MCF2L2: variants seen among roughly 807,000 people sequenced by gnomAD.
MCF2L2 encodes probable guanine nucleotide exchange factor MCF2L2.
In MCF2L2, 102 loss-of-function variants were observed where a neutral mutation model predicts 150.2. The observed-to-expected ratio is 0.68, with a 90% CI of 0.58 to 0.80. The LOEUF is 0.80. Among genes scored for constraint, MCF2L2 ranks in the 30% least tolerant of loss-of-function variants. MCF2L2 has a pLI of 0.00. For missense variants in MCF2L2, 1,256 were observed against 1,372.8 expected (o/e 0.91, Z 1.34); for synonymous variants, 465 against 491.3 (o/e 0.95, Z 0.71).
intron 7 of MCF2L2, among the ~76,000 whole-genome samples, chr3:183,312,582 T>C (rs1729431178): frequency 6.6e-6 from 1 of 152,224 alleles, no homozygotes; most frequent in Non-Finnish European, 1.5e-5. Context: ...CCTTGAGCAT[T>C]AGAACAGGCC....
intron 14 of MCF2L2, among the ~76,000 whole-genome samples, chr3:183,279,383 TA>T (rs1025051282): frequency 2.0e-5 from 3 of 152,210 alleles, no homozygotes; most frequent in African/African-American, 7.2e-5. Flanking sequence ...AATAGTAGAC[TA>T]AAAAATTGAC....
At chr3:183,296,801 T>C (rs1728529275) in intron 12 of MCF2L2, 175 bp downstream of exon 12, 2 of 602,156 alleles carry the variant, frequency 3.3e-6, no homozygotes, top group Admixed American at 3.1e-5. Flanking sequence ...AGACTCAGTA[T>C]GCCAGGACGT....
chr3:183,414,680 T>G (rs1715494563), intron 1 of MCF2L2, among the ~76,000 whole-genome samples: 1 of 152,238 alleles, frequency 6.6e-6, no homozygotes, highest in Non-Finnish European at 1.5e-5. Context: ...TCTTTCTTAA[T>G]GTAAGCATTT....
intron 2 of MCF2L2, among the ~76,000 whole-genome samples, chr3:183,388,052 A>G (rs917685106): frequency 6.6e-6 from 1 of 152,146 alleles, no homozygotes; most frequent in Admixed American, 6.5e-5. Flanking sequence ...ATCCAAATTC[A>G]TATCTGGAGC....
At chr3:183,401,290 G>A (rs1052483245) in intron 1 of MCF2L2, among the ~76,000 whole-genome samples, 4 of 152,126 alleles carry the variant, frequency 2.6e-5, no homozygotes, top group Non-Finnish European at 4.4e-5. Flanking sequence ...TAAAGAAAGA[G>A]CACAATGTGA....
At chr3:183,294,830 G>A (rs1008029294) in intron 13 of MCF2L2, among the ~76,000 whole-genome samples, 11 of 151,892 alleles carry the variant, frequency 7.2e-5, no homozygotes, top group Admixed American at 5.9e-4. Flanking sequence ...GGGTTTCACC[G>A]TGTTAGCCAG....
chr3:183,216,749 T>A (rs929118534), intron 21 of MCF2L2, among the ~76,000 whole-genome samples: 2 of 149,382 alleles, frequency 1.3e-5, no homozygotes, highest in Non-Finnish European at 3.0e-5. Flanking sequence ...GGATTACAGG[T>A]GTGCGCCACC....
At chr3:183,202,594 C>A (rs1722327765) in intron 25 of MCF2L2, among the ~76,000 whole-genome samples, 1 of 152,216 alleles carries the variant, frequency 6.6e-6, no homozygotes, top group African/African-American at 2.4e-5. Flanking sequence ...AGCCCCTTGG[C>A]AAAGACTAGA....
At chr3:183,232,702 A>T (rs1463015065) in intron 15 of MCF2L2, among the ~76,000 whole-genome samples, 2 of 152,248 alleles carry the variant, frequency 1.3e-5, no homozygotes, top group East Asian at 3.8e-4. Context: ...TAGGAGATTC[A>T]CACAAATATT....
At chr3:183,349,113 C>A (rs556630258) in intron 3 of MCF2L2, among the ~76,000 whole-genome samples, 29 of 152,342 alleles carry the variant, frequency 1.9e-4, no homozygotes, top group African/African-American at 7.0e-4. Context: ...TGATGCTAAT[C>A]ATAGAGGGTG....
chr3:183,183,890 T>A (rs1721608405), intron 27 of MCF2L2, among the ~76,000 whole-genome samples: 1 of 151,886 alleles, frequency 6.6e-6, no homozygotes, highest in African/African-American at 2.4e-5. Flanking sequence ...ATAAGGATAA[T>A]AAATGGCTTT....
intron 27 of MCF2L2, among the ~76,000 whole-genome samples, chr3:183,190,384 C>A (rs1333488096): frequency 6.6e-6 from 1 of 152,162 alleles, no homozygotes; most frequent in Non-Finnish European, 1.5e-5. Context: ...ATTCTGGGAC[C>A]CCTCCTGCTA....
chr3:183,193,687 A>T (rs1398129775), intron 26 of MCF2L2, among the ~76,000 whole-genome samples: 1 of 152,180 alleles, frequency 6.6e-6, no homozygotes, highest in African/African-American at 2.4e-5. Context: ...CTTCTCAAAA[A>T]TGTTTTCACT....
At chr3:183,242,424 G>A (rs191528969) in intron 15 of MCF2L2, among the ~76,000 whole-genome samples, 3 of 152,356 alleles carry the variant, frequency 2.0e-5, no homozygotes, top group Admixed American at 2.0e-4. Context: ...GGGGACCCCT[G>A]CTCTATGCAG....
chr3:183,340,574 A>C (rs1442925698), intron 4 of MCF2L2, among the ~76,000 whole-genome samples: 1 of 152,144 alleles, frequency 6.6e-6, no homozygotes, highest in Non-Finnish European at 1.5e-5. Context: ...AATTTAATGC[A>C]AATGCAAGCA....
At chr3:183,272,594 A>C in intron 15 of MCF2L2, 1 of 996,200 alleles carries the variant, frequency 1.0e-6, no homozygotes, top group Non-Finnish European at 1.2e-6. Flanking sequence ...CTAATGTCAA[A>C]ACTACAGTGT....
At chr3:183,364,327 T>C (rs1046651211) in intron 3 of MCF2L2, among the ~76,000 whole-genome samples, 4 of 151,616 alleles carry the variant, frequency 2.6e-5, no homozygotes, top group Admixed American at 6.6e-5. Context: ...CCATCCTGGC[T>C]AACACGGTGA....
Position 183,193,009 on chromosome 3 carries a change from T to A in MCF2L2, c.3006A>T (p.Gly1002=). ...TSKEDPASST[G]GIKGCSSREF... is the part of the protein sequence containing the mutation. Reference sequence around the variant, plus strand: ...TGGGACCCTCCCTACCTTTAATCCCTCCTGTGCTGGAGGCCGGGTCTTCCT... The same window carrying A: ...TGGGACCCTCCCTACCTTTAATCCCACCTGTGCTGGAGGCCGGGTCTTCCT... The change falls in exon 27 of 30, where the codon GGA becomes GGT. Residue 1002 remains glycine (G), a synonymous_variant. Coordinates refer to ENST00000328913, the MANE Select transcript of MCF2L2 (RefSeq NM_015078.4). 3.7e-6 allele frequency: 6 copies of A among 1,613,998 alleles called. No individual in the cohort carries two copies. Among genetic ancestry groups the A allele is most frequent in the Non-Finnish European group, 5.1e-6 (6 of 1,179,854 alleles).
At chr3:183,343,732 A>T (rs952944113) in intron 3 of MCF2L2, among the ~76,000 whole-genome samples, 43 of 152,220 alleles carry the variant, frequency 2.8e-4, no homozygotes, top group African/African-American at 9.2e-4. Context: ...GTAAACGTTA[A>T]ATATGTGAAT....
Sources: gnomAD v4.1 joint callset for allele counts (sites outside exome capture counted in the v4.1 genomes callset) on GRCh38, gnomAD v4.1.1 for gene constraint, MANE v1.5 for transcripts, NCBI Gene and HGNC (gene_info 2026-07-23, HGNC 2026-07-21) for gene names.